Variants in PGS1 observed in about 807,000 individuals in gnomAD.
PGS1 encodes the protein CDP-diacylglycerol--glycerol-3-phosphate 3-phosphatidyltransferase, mitochondrial.
A neutral mutation model predicts 58.3 loss-of-function variants in PGS1; 44 were observed. That is an observed-to-expected ratio of 0.75 (90% CI 0.59 to 0.97). The LOEUF is 0.97. Among genes scored for constraint, PGS1 ranks in the 50% least tolerant of loss-of-function variants. The pLI is 0.00. For synonymous variants in PGS1, 330 were observed against 311.0 expected (o/e 1.06, Z -0.64); for missense variants, 684 against 731.1 (o/e 0.94, Z 0.74).
At chr17:78,402,123 G>A (rs1209392416) in intron 6 of PGS1, among the ~76,000 whole-genome samples, 2 of 152,138 alleles carry the variant, frequency 1.3e-5, no homozygotes, top group Admixed American at 6.5e-5. Context: ...CTCCCCTGGA[G>A]GGTGTTGGCA....
rs1299003953 is a variant in PGS1 at position 78,404,095 on chromosome 17, C to T, written c.1402+6C>T. 1.3e-6 allele frequency: 2 copies of T among 1,526,540 alleles called. No homozygotes were observed. Among genetic ancestry groups the T allele is most frequent in the East Asian group, 4.8e-5 (2 of 41,898 alleles). 94.6% of individuals were successfully genotyped at this position (1,526,540 alleles called of 1,614,324 possible). A position where few individuals can be genotyped will look rare whatever the true frequency, so the allele number is the denominator to read the frequency against. On this transcript the variant is annotated splice_donor_region_variant and intron_variant, in intron 7 of 9. Coordinates refer to ENST00000262764, the MANE Select transcript of PGS1 (RefSeq NM_024419.5). ...CTGGACGTTCCACGCCAAAGGTGCG[C>T]AGCGGCTGGCTGGAGGACGTTCCAG...
At chr17:78,420,344 C>T (rs576247666) in intron 9 of PGS1, 27 of 515,664 alleles carry the variant, frequency 5.2e-5, no homozygotes, top group East Asian at 1.5e-4. Context: ...ACTGTCTTGA[C>T]GCCTAGAGGT....
intron 8 of PGS1, among the ~76,000 whole-genome samples, chr17:78,417,242 G>A (rs2085271960): frequency 6.6e-6 from 1 of 152,154 alleles, no homozygotes; most frequent in Admixed American, 6.5e-5. Context: ...TGCAATCTTG[G>A]CCGGGTATTC....
At chr17:78,399,805 CTG>C (rs2083516149) in intron 5 of PGS1, 6 of 518,178 alleles carry the variant, frequency 1.2e-5, no homozygotes, top group Admixed American at 3.3e-5. Context: ...CAGTGACCCT[CTG>C]TAGTATTTTC....
intron 4 of PGS1, among the ~76,000 whole-genome samples, chr17:78,398,992 T>C (rs1467608211): frequency 6.6e-6 from 1 of 152,148 alleles, no homozygotes; most frequent in Non-Finnish European, 1.5e-5. Context: ...CTCATGGAGC[T>C]GGGGGTGAGG....
At chr17:78,394,071 C>A (rs1236688192) in intron 2 of PGS1, among the ~76,000 whole-genome samples, 1 of 142,820 alleles carries the variant, frequency 7.0e-6, no homozygotes, top group Non-Finnish European at 1.5e-5. Flanking sequence ...AGTCAGGAGG[C>A]TGAGGCAGGA....
chr17:78,382,465 G>T (rs76302240), intron 1 of PGS1, among the ~76,000 whole-genome samples: 9 of 152,126 alleles, frequency 5.9e-5, no homozygotes, highest in Non-Finnish European at 1.2e-4. Flanking sequence ...TAAAGAAGAG[G>T]CTCAGGTTTT....
At chr17:78,383,747 T>G (rs149868754) in intron 1 of PGS1, among the ~76,000 whole-genome samples, 31 of 152,326 alleles carry the variant, frequency 2.0e-4, no homozygotes, top group Non-Finnish European at 3.2e-4. Context: ...TTTTGCCAAA[T>G]AATTCAGATT....
chr17:78,417,029 T>A (rs1156325876), intron 8 of PGS1, among the ~76,000 whole-genome samples: 1 of 152,194 alleles, frequency 6.6e-6, no homozygotes, highest in Non-Finnish European at 1.5e-5. Context: ...GGAGATATTT[T>A]TATCAGAATC....
intron 2 of PGS1, among the ~76,000 whole-genome samples, chr17:78,395,153 C>G (rs2083134264): frequency 6.6e-6 from 1 of 152,222 alleles, no homozygotes; most frequent in Non-Finnish European, 1.5e-5. Flanking sequence ...GTGCTGGTTT[C>G]TGCCTGGTCC....
chr17:78,403,837 C>T lies in PGS1; in HGVS notation c.1150C>T (p.Leu384Phe). 1.2e-6 allele frequency: 2 copies of T among 1,614,254 alleles called. No homozygotes were observed. The part of the protein sequence containing the change: ...TEAERGAKVY[L>F]TTGYFNLTQA... ...GGCGGAGCGCGGGGCAAAGGTCTAC[C>T]TCACCACTGGCTATTTCAACCTGAC... The change falls in exon 7 of 10, where the codon CTC becomes TTC. Residue 384 changes from leucine (L) to phenylalanine (F), a missense_variant. Physicochemically the swap from Leu to Phe is conservative, Grantham distance 22. Transcript: ENST00000262764.
intron 7 of PGS1, among the ~76,000 whole-genome samples, chr17:78,408,537 TCA>T (rs1463000512): frequency 1.3e-5 from 2 of 152,172 alleles, no homozygotes; most frequent in African/African-American, 2.4e-5. Flanking sequence ...GAGGTTGAAA[TCA>T]CACTGGGGGC....
At chr17:78,381,462 G>C (rs2082032202) in intron 1 of PGS1, among the ~76,000 whole-genome samples, 2 of 152,292 alleles carry the variant, frequency 1.3e-5, no homozygotes, top group South Asian at 4.1e-4. Flanking sequence ...TCGGTTTGCA[G>C]TTCTTTTCTG....
At chr17:78,398,423 A>C in intron 4 of PGS1, 72 bp downstream of exon 4, 1 of 1,009,306 alleles carries the variant, frequency 9.9e-7, no homozygotes, top group Non-Finnish European at 1.6e-6. Flanking sequence ...GGTTACTGTC[A>C]CCCCCTCATC....
intron 7 of PGS1, among the ~76,000 whole-genome samples, chr17:78,412,175 G>C (rs1377660605): frequency 6.6e-6 from 1 of 152,014 alleles, no homozygotes; most frequent in Non-Finnish European, 1.5e-5. Context: ...GCAGCACCCC[G>C]TGGCATCTCT....
At chr17:78,387,206 G>A (rs2082460604) in intron 1 of PGS1, among the ~76,000 whole-genome samples, 1 of 151,816 alleles carries the variant, frequency 6.6e-6, no homozygotes, top group Non-Finnish European at 1.5e-5. Context: ...GTTTTGCCAT[G>A]TTGGCTAGGC....
intron 1 of PGS1, among the ~76,000 whole-genome samples, chr17:78,383,938 C>A (rs76246703): frequency 6.6e-6 from 1 of 151,998 alleles, no homozygotes; most frequent in African/African-American, 2.4e-5. Context: ...AATGATAATC[C>A]CTTTGTAATA....
At chr17:78,398,075 A>G in intron 3 of PGS1, 177 bp from the exon 4 acceptor site, 1 of 684,334 alleles carries the variant, frequency 1.5e-6, no homozygotes, top group South Asian at 1.4e-5. Context: ...TCTTCTGATG[A>G]TCATGAAGGT....
intron 1 of PGS1, among the ~76,000 whole-genome samples, chr17:78,386,127 T>C (rs1299048641): frequency 6.6e-6 from 1 of 152,196 alleles, no homozygotes; most frequent in Non-Finnish European, 1.5e-5. Context: ...TGACTGAACC[T>C]TTCTCCTGAG....
Sources: gnomAD v4.1 joint callset for allele counts (sites outside exome capture counted in the v4.1 genomes callset) on GRCh38, gnomAD v4.1.1 for gene constraint, MANE v1.5 for transcripts, NCBI Gene and HGNC (gene_info 2026-07-23, HGNC 2026-07-21) for gene names.